CTNNA3: variants seen among roughly 807,000 people sequenced by gnomAD.
The protein encoded by CTNNA3 is catenin alpha-3.
CTNNA3 carries 76 observed loss-of-function variants against 95.7 expected under a neutral mutation model. The ratio of observed to expected loss-of-function variants is 0.79; its 90% CI spans 0.66 to 0.96. The LOEUF (loss-of-function observed/expected upper bound fraction) is 0.96. Ranked by LOEUF, CTNNA3 falls within the 40% of genes least tolerant of loss-of-function variation. CTNNA3 has a pLI of 0.00. For missense variants in CTNNA3, 1,191 were observed against 1,089.8 expected (o/e 1.09, Z -1.31); for synonymous variants, 431 against 374.4 (o/e 1.15, Z -1.74).
intron 5 of CTNNA3, among the ~76,000 whole-genome samples, chr10:67,288,982 TA>T (rs1192106491): frequency 6.6e-6 from 1 of 150,840 alleles, no homozygotes; most frequent in Admixed American, 6.6e-5. Flanking sequence ...AAATAACAGA[TA>T]AATGATTTAC....
chr10:66,114,959 T>G (rs2082268294), intron 13 of CTNNA3, among the ~76,000 whole-genome samples: 1 of 151,942 alleles, frequency 6.6e-6, no homozygotes, highest in South Asian at 2.1e-4. Flanking sequence ...TGTAGAATAT[T>G]ATAAGTGACT....
At chr10:65,920,794 G>A (rs186115577) in intron 17 of CTNNA3, among the ~76,000 whole-genome samples, 177 bp from the exon 18 acceptor site, 9 of 152,144 alleles carry the variant, frequency 5.9e-5, no homozygotes, top group East Asian at 1.9e-4. Context: ...TCACTGCACC[G>A]CAGCCTGGGT....
chr10:66,133,927 G>A (rs767496366), intron 13 of CTNNA3, among the ~76,000 whole-genome samples: 6 of 152,070 alleles, frequency 3.9e-5, no homozygotes, highest in Non-Finnish European at 8.8e-5. Context: ...TACAGAAATA[G>A]AAGAACATCT....
In CTNNA3 at chr10:66,061,248, A is replaced by G. The variant is rs1397011042; in HGVS notation, c.2159+8060T>C. ...CATTTGTAACTGTGCACAAATGACT[A>G]GAGTAGAACTTGCTCCACATCTTCA... On this transcript the variant is annotated intron_variant, in intron 15 of 17. Coordinates refer to ENST00000433211, the MANE Select transcript of CTNNA3 (RefSeq NM_013266.4). Among the ~76,000 whole-genome samples the G allele has an allele frequency of 2.0e-5, 3 of 152,140 alleles. No homozygotes were observed. The East Asian group carries it at 5.8e-4, about 29-fold the overall frequency.
chr10:66,691,169 A>T (rs1006505842), intron 9 of CTNNA3, among the ~76,000 whole-genome samples: 5 of 152,206 alleles, frequency 3.3e-5, no homozygotes, highest in African/African-American at 1.2e-4. Flanking sequence ...TGCCTCACTC[A>T]GGAAGCGCAA....
rs1024640806 is a variant in CTNNA3, at chr10:66,606,739, A to G, written c.1374+14953T>C. ...CTTTGAAACTAATGAGAACAAAGAT[A>G]CCTCACGCCAGCATCTCTGGGACAC... On this transcript the variant is annotated intron_variant, in intron 10 of 17. Coordinates refer to ENST00000433211, the MANE Select transcript of CTNNA3 (RefSeq NM_013266.4). Among the ~76,000 whole-genome samples the G allele has an allele frequency of 7.2e-5, 11 of 152,290 alleles. No homozygotes were observed. In the South Asian group the frequency reaches 2.3e-3, roughly 32 times the overall value.
At chr10:67,750,930 G>A (rs562373697) in intron 1 of CTNNA3, 65 of 1,609,848 alleles carry the variant, frequency 4.0e-5, no homozygotes, top group South Asian at 3.7e-4. Flanking sequence ...TAGGCTCTCC[G>A]GATAGACTTT....
intron 11 of CTNNA3, among the ~76,000 whole-genome samples, chr10:66,451,142 G>A (rs2093461189): frequency 6.6e-6 from 1 of 152,236 alleles, no homozygotes; most frequent in South Asian, 2.1e-4. Flanking sequence ...TCGTGTGATA[G>A]TCTTTAAGTA....
chr10:67,607,245 C>T (rs1460709283), intron 2 of CTNNA3, among the ~76,000 whole-genome samples, 196 bp from the exon 3 acceptor site: 2 of 152,144 alleles, frequency 1.3e-5, no homozygotes, highest in Non-Finnish European at 2.9e-5. Flanking sequence ...GAATAGCCTA[C>T]TGTTGACCAG....
At chr10:66,783,233 A>C (rs762867074) in intron 7 of CTNNA3, among the ~76,000 whole-genome samples, 7 of 152,168 alleles carry the variant, frequency 4.6e-5, no homozygotes, top group African/African-American at 9.6e-5. Context: ...TACAAAAAGA[A>C]AATCAAATCA....
intron 11 of CTNNA3, among the ~76,000 whole-genome samples, chr10:66,422,061 C>G (rs534415298): frequency 6.6e-6 from 1 of 151,712 alleles, no homozygotes; most frequent in South Asian, 2.1e-4. Flanking sequence ...GGAGTCTTGA[C>G]TTCATACAGT....
At chr10:66,004,323 A>G (rs1368439405) in intron 15 of CTNNA3, among the ~76,000 whole-genome samples, 1 of 152,236 alleles carries the variant, frequency 6.6e-6, no homozygotes, top group Non-Finnish European at 1.5e-5. Context: ...CAAGGATTAT[A>G]AAATAAATAG....
At chr10:66,048,653 C>T (rs765024421) in intron 15 of CTNNA3, among the ~76,000 whole-genome samples, 24 of 152,036 alleles carry the variant, frequency 1.6e-4, no homozygotes, top group Admixed American at 2.0e-4. Flanking sequence ...CCCAGCTACT[C>T]GGGAGGCTGA....
intron 11 of CTNNA3, among the ~76,000 whole-genome samples, chr10:66,469,470 A>T (rs1564993529): frequency 6.6e-6 from 1 of 151,904 alleles, no homozygotes; most frequent in African/African-American, 2.4e-5. Flanking sequence ...ATGGAAGTAT[A>T]GTAGGATATT....
At chr10:66,903,198 C>A (rs1845831530) in intron 7 of CTNNA3, among the ~76,000 whole-genome samples, 1 of 152,198 alleles carries the variant, frequency 6.6e-6, no homozygotes, top group African/African-American at 2.4e-5. Context: ...TCAGCTTCAT[C>A]CCTGAGATTC....
chr10:66,608,758 C>T (rs2132278904), intron 10 of CTNNA3, among the ~76,000 whole-genome samples: 1 of 152,102 alleles, frequency 6.6e-6, no homozygotes, highest in East Asian at 1.9e-4. Context: ...GAAACTGGAC[C>T]CCTTCCTTAC....
intron 3 of CTNNA3, among the ~76,000 whole-genome samples, chr10:67,583,037 T>C (rs1383220933): frequency 2.0e-5 from 3 of 152,220 alleles, no homozygotes; most frequent in African/African-American, 4.8e-5. Context: ...TGTCTTGTAA[T>C]TGGAGTATTC....
intron 13 of CTNNA3, among the ~76,000 whole-genome samples, chr10:66,224,963 A>G (rs986729778): frequency 3.9e-5 from 6 of 152,118 alleles, no homozygotes; most frequent in African/African-American, 7.2e-5. Flanking sequence ...ATTTCAATAC[A>G]TATATACAAA....
At position 66,689,261 on chromosome 10, in the gene CTNNA3, T is replaced by C. The variant is rs80278045; in HGVS notation, c.1282-67477A>G. The stretch of plus-strand genomic sequence containing the variant: ...TGGTATAAAAATTTTTTTTGAAACA[T>C]ACTGAATTGAAGCAGAACTGAGTAT... On this transcript the variant is annotated intron_variant, in intron 9 of 17. Transcript: ENST00000433211. 6.8e-4 allele frequency among the ~76,000 whole-genome samples: 104 copies of C among 152,192 alleles called. 2 individuals carry two copies. In the East Asian group the frequency reaches 0.017, roughly 25 times the overall value.
Sources: allele counts gnomAD v4.1 joint callset (sites outside exome capture counted in the v4.1 genomes callset), GRCh38; gene constraint gnomAD v4.1.1; transcripts MANE v1.5; gene names NCBI Gene and HGNC (gene_info 2026-07-23, HGNC 2026-07-21).